Variants in CELF3 observed in about 807,000 individuals in gnomAD.
The protein encoded by CELF3 is CUGBP Elav-like family member 3.
Under a neutral mutation model 59.6 loss-of-function variants are expected in CELF3, and 26 were observed. The observed-to-expected ratio is 0.44, with a 90% confidence interval of 0.32 to 0.61. The LOEUF is 0.61. Ranked by LOEUF, CELF3 falls within the 20% of genes least tolerant of loss-of-function variation. CELF3 has a pLI of 0.06. For synonymous variants in CELF3, 245 were observed against 250.7 expected (o/e 0.98, Z 0.22); for missense variants, 387 against 627.2 (o/e 0.62, Z 4.09).
intron 2 of CELF3, chr1:151,710,771 G>A (rs772147453): frequency 2.7e-4 from 122 of 456,350 alleles, no homozygotes; most frequent in Non-Finnish European, 2.6e-4. Context: ...AGTCTTCAGT[G>A]GAAATGGAGA....
chr1:151,716,476 C>G lies in CELF3; in HGVS notation c.-456G>C, dbSNP rs547094464. On this transcript the variant is annotated 5_prime_UTR_variant, in exon 1 of 13. Transcript: ENST00000290583. Reference sequence around the variant, plus strand: ...AGGGGCCTGCTATGGTTGCCAGCAGCGTCAGTAAGGGGGGCCCACTCCTGA... The same window carrying G: ...AGGGGCCTGCTATGGTTGCCAGCAGGGTCAGTAAGGGGGGCCCACTCCTGA... 1 of 305,190 alleles carries G rather than the reference C, an allele frequency of 3.3e-6. No individual in the cohort carries two copies. Among genetic ancestry groups the G allele is most frequent in the Non-Finnish European group, 6.5e-6 (1 of 153,054 alleles). The allele number at this position is 305,190 out of a possible 1,614,324, so 18.9% of individuals were successfully genotyped here.
rs768131358 is a variant in CELF3 at position 151,716,056 on chromosome 1, G to A, written c.-36C>T. 1.3e-6 allele frequency: 2 copies of A among 1,579,354 alleles called. No homozygotes were observed. Among genetic ancestry groups the A allele is most frequent in the Non-Finnish European group, 1.7e-6 (2 of 1,162,670 alleles). ...CAGGAGGAGGGGCCGAGGGGAGCAG[G>A]GAGAGGCCCAAAGGCCAAGGGGAGC... is the stretch of plus-strand genomic sequence containing the variant. On this transcript the variant is annotated 5_prime_UTR_variant, in exon 1 of 13. Coordinates refer to ENST00000290583, the MANE Select transcript of CELF3 (RefSeq NM_007185.7).
chr1:151,710,623 C>A, intron 2 of CELF3: 1 of 456,406 alleles, frequency 2.2e-6, no homozygotes, highest in South Asian at 1.5e-5. Context: ...TGCCTCCCTC[C>A]TCCAGAGCAA....
In CELF3 at chr1:151,716,170, G is replaced by A. The variant is rs1251098053; in HGVS notation, c.-150C>T. ...CCCCAACCACGCTGCTAAGCAGAGG[G>A]GCGGCTCTTCACACAAAGGAGGCCC... On this transcript the variant is annotated 5_prime_UTR_variant, in exon 1 of 13. Coordinates refer to ENST00000290583, the MANE Select transcript of CELF3 (RefSeq NM_007185.7). The A allele has an allele frequency of 4.0e-6, 3 of 753,490 alleles. No individual in the cohort carries two copies. Among genetic ancestry groups the A allele is most frequent in the African/African-American group, 1.8e-5 (1 of 56,628 alleles). 46.7% of individuals were successfully genotyped at this position (753,490 alleles called of 1,614,324 possible). A position where few individuals can be genotyped will look rare whatever the true frequency, so the allele number is the denominator to read the frequency against.
In CELF3 at chr1:151,701,975, G is replaced by A. The variant is rs1000306906; in HGVS notation, c.*1484C>T. ...ATAGCCTGCCTCACAAGGTTGTTAG[G>A]AGGTAAAATGAGGAAATGCACAATA... is the stretch of plus-strand genomic sequence containing the variant. On this transcript the variant is annotated 3_prime_UTR_variant, in exon 13 of 13. Transcript: ENST00000290583. Among the ~76,000 whole-genome samples, 1 of 152,186 alleles carries A rather than the reference G, an allele frequency of 6.6e-6. No individual in the cohort carries two copies. The highest frequency in any genetic ancestry group is 2.4e-5 in the African/African-American group (1 of 41,432).
In CELF3 at chr1:151,707,807, G is replaced by A. The variant is rs750652603; in HGVS notation, c.615C>T (p.Ser205=). 1.9e-6 allele frequency: 3 copies of A among 1,613,614 alleles called. No individual in the cohort carries two copies. The highest frequency in any genetic ancestry group is 2.2e-5 in the East Asian group (1 of 44,874). The change falls in exon 6 of 13, where the codon AGC becomes AGT. Residue 205 remains serine, a synonymous_variant. Coordinates refer to ENST00000290583, the MANE Select transcript of CELF3 (RefSeq NM_007185.7). The stretch of plus-strand genomic sequence containing the variant: ...CAGTGCTCACGGCCTGGGTGTAGGC[G>A]CTGTAGGCTCCAAACTGGAGGGCGA... ...SPIALQFGAY[S]AYTQALMQQQ...
intron 2 of CELF3, among the ~76,000 whole-genome samples, chr1:151,712,594 A>G (rs75848391): frequency 0.033 from 5,028 of 152,118 alleles, 272 homozygotes; most frequent in African/African-American, 0.11. Flanking sequence ...ATGATGCCAC[A>G]CCCTGCTCAG....
At chr1:151,710,531 G>C (rs1278201327) in intron 2 of CELF3, 2 of 390,702 alleles carry the variant, frequency 5.1e-6, no homozygotes, top group Admixed American at 5.5e-5. Context: ...CTGGGAGGTG[G>C]GGGAGGGGCC....
Position 151,701,257 on chromosome 1 carries a change from G to C in CELF3, c.*2202C>G, listed in dbSNP as rs1336709903. 2.0e-5 allele frequency: 3 copies of C among 152,148 alleles called. No individual in the cohort carries two copies. Among genetic ancestry groups the C allele is most frequent in the South Asian group, 2.1e-4 (1 of 4,834 alleles). The allele number at this position is 152,148 out of a possible 1,614,324, so 9.4% of individuals were successfully genotyped here. On this transcript the variant is annotated 3_prime_UTR_variant, in exon 13 of 13. Coordinates refer to ENST00000290583, the MANE Select transcript of CELF3 (RefSeq NM_007185.7). ...TTTTGGCTTGAGTAGGTACCTAGTG[G>C]TGCTGCTTACTAATGATGAAGACAG...
chr1:151,708,095 C>T (rs1428130574), intron 5 of CELF3, 160 bp from the exon 6 acceptor site: 2 of 710,496 alleles, frequency 2.8e-6, no homozygotes, highest in African/African-American at 3.6e-5. Context: ...ATATTAATCC[C>T]ACTCTCTCCC....
At position 151,705,812 on chromosome 1, in the gene CELF3, A is replaced by T. The variant is rs1672467114; in HGVS notation, c.1270+10T>A. On this transcript the variant is annotated intron_variant, in intron 11 of 12. Transcript: ENST00000290583. The surrounding 1 kb of genome is among the most constrained non-coding windows in gnomAD (Gnocchi z 5.1). ...AGTATGGCAAAAAATGTGCCATATC[A>T]TATTCTTACCAAAACATTTGCTTTG... is the stretch of plus-strand genomic sequence containing the variant. 1 of 1,613,952 alleles carries T rather than the reference A, an allele frequency of 6.2e-7. No homozygotes were observed. Among genetic ancestry groups the T allele is most frequent in the East Asian group, 2.2e-5 (1 of 44,874 alleles).
chr1:151,707,354 A>C (rs1280995844), intron 7 of CELF3, 60 bp from the exon 8 acceptor site: 22 of 1,546,068 alleles, frequency 1.4e-5, no homozygotes, highest in Non-Finnish European at 1.9e-5. Context: ...CAGGCAGAGA[A>C]CCAGTCAGCA....
intron 2 of CELF3, among the ~76,000 whole-genome samples, chr1:151,713,993 C>T (rs914594887): frequency 6.6e-6 from 1 of 152,166 alleles, no homozygotes; most frequent in Non-Finnish European, 1.5e-5. Flanking sequence ...CTGTCCCTGC[C>T]CTTGCCTGCT....
Position 151,705,671 on chromosome 1 carries a change from G to T in CELF3, c.1270+151C>A. ...TGGGCCGAGGCAGCAGCTGGGTGTGGCATGTTGGGTGTGTCAAAATGGCTC... is the reference window on the plus strand; with the variant it reads ...TGGGCCGAGGCAGCAGCTGGGTGTGTCATGTTGGGTGTGTCAAAATGGCTC... On this transcript the variant is annotated intron_variant, in intron 11 of 12. Coordinates refer to ENST00000290583, the MANE Select transcript of CELF3 (RefSeq NM_007185.7). This position sits in a 1 kb window ranked among gnomAD's most constrained non-coding sequence, Gnocchi z 5.1. 1 of 819,762 alleles carries T rather than the reference G, an allele frequency of 1.2e-6. No homozygotes were observed. 50.8% of individuals were successfully genotyped at this position (819,762 alleles called of 1,614,324 possible).
intron 2 of CELF3, among the ~76,000 whole-genome samples, chr1:151,712,272 G>A (rs58673268): frequency 0.013 from 2,047 of 152,276 alleles, 48 homozygotes; most frequent in African/African-American, 0.047. Flanking sequence ...ACCCAGTATA[G>A]CCGAGCCCCT....
At chr1:151,714,353 A>T (rs1365306972) in intron 2 of CELF3, 13 of 609,788 alleles carry the variant, frequency 2.1e-5, no homozygotes, top group Non-Finnish European at 3.8e-5. Context: ...GAAGTGGGGA[A>T]GGGGCTGCAT....
intron 2 of CELF3, among the ~76,000 whole-genome samples, chr1:151,712,907 GCA>G (rs752980688): frequency 9.2e-5 from 14 of 152,168 alleles, no homozygotes; most frequent in East Asian, 1.9e-4. Flanking sequence ...GCGTGTGCAT[GCA>G]CACACACTCA....
chr1:151,703,775 CGA>C (rs111435111), intron 12 of CELF3, among the ~76,000 whole-genome samples: 19 of 151,788 alleles, frequency 1.3e-4, no homozygotes, highest in Non-Finnish European at 1.8e-4. Context: ...GCAGAGAAAT[CGA>C]GAGAGAGACA....
chr1:151,705,086 G>C lies in CELF3; in HGVS notation c.1353C>G (p.Leu451=). The change falls in exon 12 of 13, where the codon CTC becomes CTG. Residue 451 remains leucine (L), a synonymous_variant. Transcript: ENST00000290583. The surrounding 1 kb of genome is among the most constrained non-coding windows in gnomAD (Gnocchi z 5.1). ...MNGFQIGMKR[L]KVQLKRPKDA... ...CCTTAGGCCGCTTTAGCTGGACTTT[G>C]AGGCGCTTCATGCCGATCTGGAAGC... The C allele has an allele frequency of 1.2e-6, 2 of 1,614,026 alleles. No homozygotes were observed. Among genetic ancestry groups the C allele is most frequent in the South Asian group, 2.2e-5 (2 of 91,082 alleles).
Sources: allele counts gnomAD v4.1 joint callset (sites outside exome capture counted in the v4.1 genomes callset), GRCh38; gene constraint gnomAD v4.1.1; non-coding constraint Gnocchi (gnomAD v3.1); transcripts MANE v1.5; gene names NCBI Gene and HGNC (gene_info 2026-07-23, HGNC 2026-07-21).